The following ARHGEF38 variants were observed in gnomAD, a reference collection of about 807,000 sequenced individuals.
ARHGEF38 encodes Rho guanine nucleotide exchange factor (GEF) 38.
Under a neutral mutation model 79.9 loss-of-function variants are expected in ARHGEF38, and 79 were observed. The observed-to-expected ratio is 0.99, with a 90% CI of 0.82 to 1.19. ARHGEF38 has a LOEUF of 1.19. ARHGEF38 is among the 50% of genes most tolerant of loss of function. ARHGEF38 has a pLI of 0.00. For synonymous variants in ARHGEF38, 366 were observed against 328.3 expected (o/e 1.11, Z -1.24); for missense variants, 962 against 907.2 (o/e 1.06, Z -0.78).
chr4:105,599,957 G>A (rs553344952), intron 2 of ARHGEF38, among the ~76,000 whole-genome samples: 1 of 152,268 alleles, frequency 6.6e-6, no homozygotes, highest in East Asian at 1.9e-4. Flanking sequence ...GTAATGCAAA[G>A]TGATAATTGA....
chr4:105,666,571 G>C (rs1472099713), intron 11 of ARHGEF38, among the ~76,000 whole-genome samples: 1 of 152,104 alleles, frequency 6.6e-6, no homozygotes, highest in East Asian at 1.9e-4. Context: ...CACAAGGTAG[G>C]AGGCACTCAA....
chr4:105,585,726 CTTTTTTTTTTTT>C (rs3056719), intron 1 of ARHGEF38, among the ~76,000 whole-genome samples: 5 of 71,508 alleles, frequency 7.0e-5, no homozygotes, highest in Admixed American at 2.6e-4. Flanking sequence ...CCCTCCGTTG[CTTTTTTTTTTTT>C]TTTTTTTTTT....
At chr4:105,651,738 T>C (rs1730113574) in intron 7 of ARHGEF38, among the ~76,000 whole-genome samples, 1 of 152,114 alleles carries the variant, frequency 6.6e-6, no homozygotes, top group Admixed American at 6.6e-5. Flanking sequence ...CGCTGCAGCC[T>C]CAAACTCCTG....
Position 105,667,222 on chromosome 4 carries a change from G to A in ARHGEF38, c.1783G>A (p.Ala595Thr), listed in dbSNP as rs772102948. The change falls in exon 12 of 14, where the codon GCT (alanine) becomes ACT (threonine). Residue 595 changes from alanine (A) to threonine (T), a missense_variant. Coordinates refer to ENST00000420470, the MANE Select transcript of ARHGEF38 (RefSeq NM_001242729.2). ...ELYQAKRKCN[A>T]TQEYDINLLE... ...CTATCAAGCTAAGCGCAAGTGCAAT[G>A]CTACACAAGAATATGACATCAATCT... The A allele has an allele frequency of 2.6e-5, 40 of 1,536,036 alleles. No individual in the cohort carries two copies. The highest frequency in any genetic ancestry group is 2.2e-5 in the Non-Finnish European group (25 of 1,146,928).
At chr4:105,578,296 T>C (rs1470215355) in intron 1 of ARHGEF38, among the ~76,000 whole-genome samples, 1 of 152,204 alleles carries the variant, frequency 6.6e-6, no homozygotes, top group East Asian at 1.9e-4. Flanking sequence ...ATAGTTGATA[T>C]TATTTTGACT....
rs1033777260 is a variant in ARHGEF38, at chr4:105,582,942, G to A, written c.197-6306G>A. 6.6e-5 allele frequency among the ~76,000 whole-genome samples: 10 copies of A among 152,188 alleles called. No individual in the cohort carries two copies. In the East Asian group the frequency reaches 9.6e-4, roughly 15 times the overall value. ...AAGTCTATTTTATCTGTGTAAAATA[G>A]CTATATCTCACCCTTCCTTTAATTA... On this transcript the variant is annotated intron_variant, in intron 1 of 13. Transcript: ENST00000420470.
chr4:105,624,257 C>T (rs1212675407), intron 3 of ARHGEF38, among the ~76,000 whole-genome samples: 3 of 152,164 alleles, frequency 2.0e-5, no homozygotes, highest in African/African-American at 7.2e-5. Flanking sequence ...TTCCCAATAT[C>T]AAGAGAGAAA....
chr4:105,627,438 A>G (rs932552004), intron 3 of ARHGEF38, among the ~76,000 whole-genome samples: 1 of 152,198 alleles, frequency 6.6e-6, no homozygotes, highest in African/African-American at 2.4e-5. Flanking sequence ...ACATCAGTAA[A>G]GGGAACAAAT....
intron 3 of ARHGEF38, among the ~76,000 whole-genome samples, chr4:105,629,728 C>G (rs186521625): frequency 2.0e-5 from 3 of 151,816 alleles, no homozygotes; most frequent in Non-Finnish European, 2.9e-5. Context: ...ATCAAACTAT[C>G]GTCCAATATC....
chr4:105,671,492 T>C (rs1429748528), intron 13 of ARHGEF38, among the ~76,000 whole-genome samples: 1 of 152,188 alleles, frequency 6.6e-6, no homozygotes, highest in Non-Finnish European at 1.5e-5. Context: ...GCATAATGCA[T>C]AATATTGAAA....
At chr4:105,563,542 T>C (rs1725740165) in intron 1 of ARHGEF38, among the ~76,000 whole-genome samples, 3 of 152,208 alleles carry the variant, frequency 2.0e-5, no homozygotes, top group Admixed American at 2.0e-4. Flanking sequence ...AAGAGAGGTA[T>C]AAGCATTCTC....
At chr4:105,588,202 G>A (rs1030132153) in intron 1 of ARHGEF38, among the ~76,000 whole-genome samples, 2 of 152,038 alleles carry the variant, frequency 1.3e-5, no homozygotes, top group East Asian at 3.9e-4. Context: ...ATTTTTTACT[G>A]TACAGACTCT....
chr4:105,576,551 A>G (rs1053128352), intron 1 of ARHGEF38, among the ~76,000 whole-genome samples: 2 of 151,844 alleles, frequency 1.3e-5, no homozygotes, highest in Admixed American at 1.3e-4. Flanking sequence ...GAATTTGTTT[A>G]TCAAATCTAA....
intron 3 of ARHGEF38, among the ~76,000 whole-genome samples, chr4:105,614,799 A>C (rs528119867): frequency 2.6e-5 from 4 of 152,216 alleles, no homozygotes; most frequent in Non-Finnish European, 5.9e-5. Flanking sequence ...CAGCATATTC[A>C]CAAGATTTGG....
chr4:105,584,547 T>C (rs1726939713), intron 1 of ARHGEF38, among the ~76,000 whole-genome samples: 1 of 152,148 alleles, frequency 6.6e-6, no homozygotes. Context: ...ATCTAATAAA[T>C]GGTAGTGGTG....
chr4:105,623,061 GACA>G (rs765532340), intron 3 of ARHGEF38, among the ~76,000 whole-genome samples: 1 of 152,136 alleles, frequency 6.6e-6, no homozygotes, highest in Admixed American at 6.6e-5. Context: ...TTTCAATGGG[GACA>G]ACAAGACTCC....
At chr4:105,653,738 T>C (rs567099939) in intron 7 of ARHGEF38, among the ~76,000 whole-genome samples, 1 of 152,318 alleles carries the variant, frequency 6.6e-6, no homozygotes, top group South Asian at 2.1e-4. Flanking sequence ...AAAAATGTAA[T>C]ATGGTTTGCG....
chr4:105,585,726 CTTT>C (rs3056719), intron 1 of ARHGEF38, among the ~76,000 whole-genome samples: 208 of 71,464 alleles, frequency 2.9e-3, no homozygotes, highest in Non-Finnish European at 3.9e-3. Flanking sequence ...CCCTCCGTTG[CTTT>C]TTTTTTTTTT....
intron 2 of ARHGEF38, among the ~76,000 whole-genome samples, chr4:105,602,279 C>G (rs75092650): frequency 0.043 from 6,541 of 152,134 alleles, 196 homozygotes; most frequent in Middle Eastern, 0.12. Flanking sequence ...TGGAGTAAGA[C>G]GAGATAGGTC....
Sources: allele counts gnomAD v4.1 joint callset (sites outside exome capture counted in the v4.1 genomes callset), GRCh38; gene constraint gnomAD v4.1.1; transcripts MANE v1.5; gene names NCBI Gene and HGNC (gene_info 2026-07-23, HGNC 2026-07-21).